PEX5L: variants seen among roughly 807,000 people sequenced by gnomAD.
PEX5L encodes PEX5-related protein.
PEX5L carries 30 observed loss-of-function variants against 84.0 expected under a neutral mutation model. The ratio of observed to expected loss-of-function variants is 0.36; its 90% CI spans 0.27 to 0.48. The LOEUF is 0.48. Among genes scored for constraint, PEX5L ranks in the 20% least tolerant of loss-of-function variants. PEX5L has a pLI of 0.99. For synonymous variants in PEX5L, 270 were observed against 283.1 expected, an observed-to-expected ratio of 0.95 and a Z score of 0.46; for missense variants, 533 against 754.6, an observed-to-expected ratio of 0.71 and a Z score of 3.44.
chr3:179,923,172 TC>T (rs1770225440), intron 2 of PEX5L, among the ~76,000 whole-genome samples: 1 of 151,376 alleles, frequency 6.6e-6, no homozygotes, highest in African/African-American at 2.4e-5. Flanking sequence ...GCACCTGTAG[TC>T]CCAGTTACTC....
At chr3:179,802,361 C>A (rs1012444984) in intron 14 of PEX5L, among the ~76,000 whole-genome samples, 8 of 151,404 alleles carry the variant, frequency 5.3e-5, no homozygotes, top group African/African-American at 7.3e-5. Flanking sequence ...ATGGTGAAAC[C>A]CTGTCTCTAC....
At chr3:179,812,541 A>C (rs1724291709) in intron 10 of PEX5L, among the ~76,000 whole-genome samples, 1 of 152,108 alleles carries the variant, frequency 6.6e-6, no homozygotes, top group Admixed American at 6.5e-5. Context: ...TTGAATGGCT[A>C]TTCCATTATT....
chr3:180,001,041 G>C (rs1161848959), intron 1 of PEX5L, among the ~76,000 whole-genome samples: 6 of 152,184 alleles, frequency 3.9e-5, no homozygotes. Context: ...CAGTGGGCTG[G>C]GAAAGGCAGA....
chr3:179,947,442 C>T (rs1231747565), intron 2 of PEX5L, among the ~76,000 whole-genome samples: 1 of 151,932 alleles, frequency 6.6e-6, no homozygotes, highest in Non-Finnish European at 1.5e-5. Flanking sequence ...TGTTTTTCAG[C>T]CAAAGAAAAG....
At chr3:179,811,280 C>T (rs1723724607) in intron 11 of PEX5L, among the ~76,000 whole-genome samples, 1 of 151,564 alleles carries the variant, frequency 6.6e-6, no homozygotes, top group Admixed American at 6.6e-5. Context: ...TATTCTCTTC[C>T]TATAGCACTA....
chr3:179,801,768 T>C lies in PEX5L; in HGVS notation c.*60A>G. Reference sequence around the variant, plus strand: ...TTTTGAAATTCATAATAAAATAGTTTTTGATTTTTCAGTACAATCACACAG... The same window carrying C: ...TTTTGAAATTCATAATAAAATAGTTCTTGATTTTTCAGTACAATCACACAG... On this transcript the variant is annotated 3_prime_UTR_variant, in exon 15 of 15. Coordinates refer to ENST00000467460, the MANE Select transcript of PEX5L (RefSeq NM_016559.3). The C allele has an allele frequency of 2.7e-6, 3 of 1,101,552 alleles. No individual in the cohort carries two copies. Among genetic ancestry groups the C allele is most frequent in the South Asian group, 2.5e-5 (2 of 79,100 alleles). The allele number at this position is 1,101,552 out of a possible 1,614,324, so 68.2% of individuals were successfully genotyped here.
chr3:179,946,314 T>C (rs9842133), intron 2 of PEX5L, among the ~76,000 whole-genome samples: 61,754 of 152,004 alleles, frequency 0.41, 13,335 homozygotes, highest in East Asian at 0.68. Flanking sequence ...GTGCTCTCAC[T>C]TGCCTTCCAA....
In PEX5L at chr3:179,811,839, C is replaced by A; in HGVS notation, c.1116G>T (p.Glu372Asp). 1 of 1,614,086 alleles carries A rather than the reference C, an allele frequency of 6.2e-7. No homozygotes were observed. Among genetic ancestry groups the A allele is most frequent in the Non-Finnish European group, 8.5e-7 (1 of 1,179,948 alleles). The change falls in exon 11 of 15, where the codon GAG (glutamate) becomes GAT (aspartate). Residue 372 changes from glutamate (E) to aspartate (D), a missense_variant. Physicochemically the swap from Glu to Asp is conservative, Grantham distance 45. This residue lies in a region of PEX5L where 32 missense variants were observed against 45.5 expected (regional missense o/e 0.70). Coordinates refer to ENST00000467460, the MANE Select transcript of PEX5L (RefSeq NM_016559.3). Reference protein sequence around the residue: ...AWQFLGITQAENENEQAAIVA... With the variant: ...AWQFLGITQADNENEQAAIVA... ...CAATAGCTGCTTGTTCATTTTCATT[C>A]TCCGCCTGGGTTATCCCGAGGAACT...
chr3:179,904,198 C>T (rs952079981), intron 2 of PEX5L, among the ~76,000 whole-genome samples: 9 of 152,214 alleles, frequency 5.9e-5, no homozygotes, highest in African/African-American at 2.2e-4. Flanking sequence ...CCCTTACTGT[C>T]TCTTTTTCCC....
At chr3:179,871,616 T>C (rs151087005) in intron 7 of PEX5L, among the ~76,000 whole-genome samples, 352 of 152,326 alleles carry the variant, frequency 2.3e-3, no homozygotes, top group Middle Eastern at 0.01. Flanking sequence ...TGTAACCTAC[T>C]CCTGTGCCAA....
chr3:179,929,353 G>T (rs1199781571), intron 2 of PEX5L, among the ~76,000 whole-genome samples: 1 of 152,092 alleles, frequency 6.6e-6, no homozygotes, highest in Non-Finnish European at 1.5e-5. Context: ...CCTAAAAGTT[G>T]ATTCCTCATT....
Position 179,795,023 on chromosome 3 carries a change from G to GTCT in PEX5L, c.*6802_*6804dup. 1 of 152,188 alleles carries GTCT rather than the reference G, an allele frequency of 6.6e-6. No individual in the cohort carries two copies. The highest frequency in any genetic ancestry group is 2.1e-4 in the South Asian group (1 of 4,814). 9.4% of individuals were successfully genotyped at this position (152,188 alleles called of 1,614,324 possible). ...CAATTTCAGGTTAAATAATATTTTA[G>GTCT]TCTTAAAAAATTAACAAAGGAGGAA... is the stretch of plus-strand genomic sequence containing the variant. On this transcript the variant is annotated 3_prime_UTR_variant, in exon 15 of 15. Coordinates refer to ENST00000467460, the MANE Select transcript of PEX5L (RefSeq NM_016559.3).
In PEX5L at chr3:179,949,751, T is replaced by C. The variant is rs73883413; in HGVS notation, c.93+21843A>G. Among the ~76,000 whole-genome samples, 868 of 152,306 alleles carry C rather than the reference T, an allele frequency of 5.7e-3. 7 individuals carry two copies. The highest frequency in any genetic ancestry group is 0.02 in the African/African-American group (831 of 41,574). The stretch of plus-strand genomic sequence containing the variant: ...CCTCATCTGACAAGCAGGTGAAGTC[T>C]GAAATAATCTCGTGATTATGGACAG... On this transcript the variant is annotated intron_variant, in intron 2 of 14. Transcript: ENST00000467460.
chr3:180,004,223 T>G (rs1390518493), intron 1 of PEX5L, among the ~76,000 whole-genome samples: 48 of 152,232 alleles, frequency 3.2e-4, no homozygotes, highest in Admixed American at 3.1e-3. Flanking sequence ...AACGTAATGT[T>G]TAGAGACCAC....
intron 2 of PEX5L, among the ~76,000 whole-genome samples, chr3:179,923,165 C>T (rs1770218374): frequency 6.6e-6 from 1 of 151,754 alleles, no homozygotes; most frequent in Non-Finnish European, 1.5e-5. Context: ...GTGGCGGGCA[C>T]CTGTAGTCCC....
intron 2 of PEX5L, among the ~76,000 whole-genome samples, chr3:179,949,712 G>A (rs1040341784): frequency 2.0e-5 from 3 of 152,178 alleles, no homozygotes; most frequent in African/African-American, 7.2e-5. Flanking sequence ...CTCAAGGGTA[G>A]GAGGAATAGG....
intron 1 of PEX5L, among the ~76,000 whole-genome samples, chr3:180,022,189 T>G (rs1252906447): frequency 6.6e-6 from 1 of 152,232 alleles, no homozygotes; most frequent in Non-Finnish European, 1.5e-5. Flanking sequence ...ATTTTTATAA[T>G]GTTACTTCTT....
At chr3:179,847,624 C>T (rs1740065177) in intron 8 of PEX5L, among the ~76,000 whole-genome samples, 1 of 152,144 alleles carries the variant, frequency 6.6e-6, no homozygotes, top group African/African-American at 2.4e-5. Context: ...ACATATTAAA[C>T]CAATAAGCAG....
chr3:180,006,160 A>C (rs56145741), intron 1 of PEX5L, among the ~76,000 whole-genome samples: 25,579 of 152,086 alleles, frequency 0.17, 2,970 homozygotes, highest in African/African-American at 0.33. Flanking sequence ...GTAATTAACA[A>C]AACCTCTCTG....
Sources: gnomAD v4.1 joint callset for allele counts (sites outside exome capture counted in the v4.1 genomes callset) on GRCh38, gnomAD v4.1.1 for gene constraint, gnomAD v4.1.1 regional missense constraint, MANE v1.5 for transcripts, NCBI Gene and HGNC (gene_info 2026-07-23, HGNC 2026-07-21) for gene names.